STAT4: variants seen among roughly 807,000 people sequenced by gnomAD.
STAT4 encodes signal transducer and activator of transcription 4.
A neutral mutation model predicts 110.5 loss-of-function variants in STAT4; 42 were observed. That is an observed-to-expected ratio of 0.38 (90% CI 0.30 to 0.49). STAT4 has a LOEUF of 0.49. Among genes scored for constraint, STAT4 ranks in the 20% least tolerant of loss-of-function variants. The pLI is 0.95. For synonymous variants in STAT4, 284 were observed against 302.2 expected (o/e 0.94, Z 0.63); for missense variants, 632 against 887.9 (o/e 0.71, Z 3.66).
At chr2:191,069,870 T>A (rs747872337) in intron 5 of STAT4, 99 bp from the exon 6 acceptor site, 481 of 850,854 alleles carry the variant, frequency 5.7e-4, no homozygotes, top group Non-Finnish European at 7.8e-4. Flanking sequence ...GTGCTTCCAA[T>A]CTCCAACAGC....
At chr2:191,096,649 C>A (rs1034569240) in intron 3 of STAT4, among the ~76,000 whole-genome samples, 9 of 151,994 alleles carry the variant, frequency 5.9e-5, no homozygotes, top group Admixed American at 2.0e-4. Context: ...TATGAAAAAC[C>A]TACAGCCAAT....
upstream of STAT4, chr2:191,151,380 A>C: frequency 5.1e-6 from 5 of 985,584 alleles, no homozygotes; most frequent in Non-Finnish European, 6.0e-6. The surrounding 1 kb of genome is among the most constrained non-coding windows in gnomAD (Gnocchi z 4.7). Context: ...ATAAGGCTCC[A>C]CTCAGCCTGG....
chr2:191,052,236 C>T (rs753693877), intron 14 of STAT4, among the ~76,000 whole-genome samples: 7 of 152,164 alleles, frequency 4.6e-5, no homozygotes, highest in Non-Finnish European at 1.0e-4. Flanking sequence ...GGTTTATCTT[C>T]CTTCATGTAC....
chr2:191,065,547 T>C (rs1696965033), intron 7 of STAT4, among the ~76,000 whole-genome samples: 1 of 152,180 alleles, frequency 6.6e-6, no homozygotes, highest in Admixed American at 6.5e-5. Context: ...TTGAATGAAC[T>C]GAATTATTGT....
chr2:191,119,878 A>G (rs1304523298), intron 3 of STAT4, among the ~76,000 whole-genome samples: 2 of 152,208 alleles, frequency 1.3e-5, no homozygotes, highest in Non-Finnish European at 1.5e-5. Flanking sequence ...ATTCATGTCA[A>G]AAACACCACT....
In STAT4 at chr2:191,037,179, A is replaced by G. The variant is rs539468424; in HGVS notation, c.1435-880T>C. Among the ~76,000 whole-genome samples the G allele has an allele frequency of 1.3e-5, 2 of 152,316 alleles. No homozygotes were observed. The highest frequency in any genetic ancestry group is 4.8e-5 in the African/African-American group (2 of 41,584). ...TTATCGTGGGGTTGGCACAAATTTTACCTTGACCAGACCAATCATCCCAAA... is the reference window on the plus strand; with the variant it reads ...TTATCGTGGGGTTGGCACAAATTTTGCCTTGACCAGACCAATCATCCCAAA... On this transcript the variant is annotated intron_variant, in intron 16 of 23. Transcript: ENST00000392320. The surrounding 1 kb of genome is among the most constrained non-coding windows in gnomAD (Gnocchi z 4.8).
rs541349568 is a variant in STAT4, at chr2:191,143,519, C to T, written c.273+3094G>A. ...CCTTGGAGCTTCTTGAATTTGCCAT[C>T]GGGAAACTGGTTTTGTTTTGTCCTT... On this transcript the variant is annotated intron_variant, in intron 3 of 23. Coordinates refer to ENST00000392320, the MANE Select transcript of STAT4 (RefSeq NM_003151.4). This position sits in a 1 kb window ranked among gnomAD's most constrained non-coding sequence, Gnocchi z 5.6. Among the ~76,000 whole-genome samples, 24 of 152,200 alleles carry T rather than the reference C, an allele frequency of 1.6e-4. No individual in the cohort carries two copies. The highest frequency in any genetic ancestry group is 6.2e-4 in the South Asian group (3 of 4,816).
chr2:191,143,025 T>C lies in STAT4; in HGVS notation c.273+3588A>G, dbSNP rs1699377032. Among the ~76,000 whole-genome samples the C allele has an allele frequency of 6.6e-6, 1 of 152,174 alleles. No individual in the cohort carries two copies. The highest frequency in any genetic ancestry group is 1.5e-5 in the Non-Finnish European group (1 of 68,030). Reference sequence around the variant, plus strand: ...ATTATTTCGTCAACTGTCACAAATGTATGCTACCAATGCAAGACATGAATA... The same window carrying C: ...ATTATTTCGTCAACTGTCACAAATGCATGCTACCAATGCAAGACATGAATA... On this transcript the variant is annotated intron_variant, in intron 3 of 23. Coordinates refer to ENST00000392320, the MANE Select transcript of STAT4 (RefSeq NM_003151.4). The surrounding 1 kb of genome is among the most constrained non-coding windows in gnomAD (Gnocchi z 5.6).
At chr2:191,038,939 C>G (rs538413385) in intron 16 of STAT4, among the ~76,000 whole-genome samples, 1 of 152,172 alleles carries the variant, frequency 6.6e-6, no homozygotes, top group Non-Finnish European at 1.5e-5. Context: ...CTGGTACGCA[C>G]ATAGTTGGCA....
chr2:191,081,111 G>A (rs1322241275), intron 3 of STAT4, among the ~76,000 whole-genome samples: 1 of 152,122 alleles, frequency 6.6e-6, no homozygotes, highest in Non-Finnish European at 1.5e-5. Flanking sequence ...CTGTTCTTGT[G>A]TTAGTTTGCT....
At chr2:191,054,140 AAAAG>A (rs1455571637) in intron 14 of STAT4, among the ~76,000 whole-genome samples, 3 of 146,388 alleles carry the variant, frequency 2.0e-5, no homozygotes, top group Non-Finnish European at 4.5e-5. Context: ...AAAAAAAAAA[AAAAG>A]AAAGAAAAAA....
chr2:191,066,566 A>C lies in STAT4; in HGVS notation c.545-51T>G. On this transcript the variant is annotated intron_variant, in intron 6 of 23. Transcript: ENST00000392320. This position sits in a 1 kb window ranked among gnomAD's most constrained non-coding sequence, Gnocchi z 4.3. ...AGAGTTCTCTCTATTCCTGAAAGTC[A>C]AGTCAGCCTCAATCCACCATCCTAA... The C allele has an allele frequency of 6.4e-7, 1 of 1,562,550 alleles. No homozygotes were observed. The highest frequency in any genetic ancestry group is 8.8e-7 in the Non-Finnish European group (1 of 1,139,368).
intron 3 of STAT4, among the ~76,000 whole-genome samples, chr2:191,108,469 G>A (rs567895367): frequency 2.6e-5 from 4 of 152,204 alleles, no homozygotes; most frequent in Admixed American, 2.0e-4. Flanking sequence ...GATGCGTTGA[G>A]AAACAGATTC....
At chr2:191,123,317 G>A (rs1361591986) in intron 3 of STAT4, among the ~76,000 whole-genome samples, 1 of 152,188 alleles carries the variant, frequency 6.6e-6, no homozygotes, top group Non-Finnish European at 1.5e-5. Flanking sequence ...CCTAGGTGAA[G>A]GCTAGTTCTA....
intron 4 of STAT4, among the ~76,000 whole-genome samples, chr2:191,073,984 G>A (rs1392082670): frequency 2.0e-5 from 3 of 152,100 alleles, no homozygotes. Flanking sequence ...ACCAATATGT[G>A]TAATTTTTAA....
At chr2:191,085,602 G>A (rs1217046924) in intron 3 of STAT4, among the ~76,000 whole-genome samples, 2 of 152,112 alleles carry the variant, frequency 1.3e-5, no homozygotes, top group East Asian at 3.8e-4. Context: ...AACTGTGGAT[G>A]TTCTAAAACT....
At chr2:191,106,559 G>A (rs961070117) in intron 3 of STAT4, among the ~76,000 whole-genome samples, 12 of 151,926 alleles carry the variant, frequency 7.9e-5, no homozygotes, top group Non-Finnish European at 4.4e-5. Context: ...GGGAGGCTGA[G>A]GCAGGAGAAT....
At position 191,065,637 on chromosome 2, in the gene STAT4, T is replaced by A. The variant is rs115792649; in HGVS notation, c.631-679A>T. On this transcript the variant is annotated intron_variant, in intron 7 of 23. Coordinates refer to ENST00000392320, the MANE Select transcript of STAT4 (RefSeq NM_003151.4). ...CATAAAAATATATAGCATAGATTTATTATGCATAAAAACATTAAATTTTTT... is the reference window on the plus strand; with the variant it reads ...CATAAAAATATATAGCATAGATTTAATATGCATAAAAACATTAAATTTTTT... Among the ~76,000 whole-genome samples the A allele has an allele frequency of 1.3e-3, 195 of 152,306 alleles. 1 individual carries two copies. The highest frequency in any genetic ancestry group is 3.6e-3 in the African/African-American group (150 of 41,580).
chr2:191,031,555 T>G lies in STAT4; in HGVS notation c.2045-39A>C. On this transcript the variant is annotated intron_variant, in intron 21 of 23. Transcript: ENST00000392320. This position sits in a 1 kb window ranked among gnomAD's most constrained non-coding sequence, Gnocchi z 4.8. ...AGGCACAATGTTGGGGAAAAAAATGTCAATATTATCAATAAAACTGGGGAA... is the reference window on the plus strand; with the variant it reads ...AGGCACAATGTTGGGGAAAAAAATGGCAATATTATCAATAAAACTGGGGAA... The G allele has an allele frequency of 6.5e-7, 1 of 1,529,240 alleles. No individual in the cohort carries two copies. Among genetic ancestry groups the G allele is most frequent in the Non-Finnish European group, 9.0e-7 (1 of 1,109,984 alleles). The allele number at this position is 1,529,240 out of a possible 1,614,324, so 94.7% of individuals were successfully genotyped here. A position where few individuals can be genotyped will look rare whatever the true frequency, so the allele number is the denominator to read the frequency against.
Sources: gnomAD v4.1 joint callset for allele counts (sites outside exome capture counted in the v4.1 genomes callset) on GRCh38, gnomAD v4.1.1 for gene constraint, Gnocchi (gnomAD v3.1) non-coding constraint, MANE v1.5 for transcripts, NCBI Gene and HGNC (gene_info 2026-07-23, HGNC 2026-07-21) for gene names.